IGSF3: variants seen among roughly 807,000 people sequenced by gnomAD.
IGSF3 encodes immunoglobulin superfamily member 3.
Under a neutral mutation model 114.4 loss-of-function variants are expected in IGSF3, and 23 were observed. The ratio of observed to expected loss-of-function variants is 0.20; its 90% CI spans 0.14 to 0.28. The LOEUF (loss-of-function observed/expected upper bound fraction) is 0.28, where lower values mean the gene tolerates loss of function less well. Among genes scored for constraint, IGSF3 ranks in the 10% least tolerant of loss-of-function variants. The pLI is 1.00. For synonymous variants in IGSF3, 571 were observed against 645.2 expected (o/e 0.88, Z 1.74); for missense variants, 1,172 against 1,591.5 (o/e 0.74, Z 4.48).
rs1648525570 is a variant in IGSF3, at chr1:116,649,183, G to A, written c.43+17101C>T. 6.6e-6 allele frequency among the ~76,000 whole-genome samples: 1 copy of A among 152,232 alleles called. No individual in the cohort carries two copies. The highest frequency in any genetic ancestry group is 2.4e-5 in the African/African-American group (1 of 41,456). On this transcript the variant is annotated intron_variant, in intron 2 of 10. Transcript: ENST00000369486. The surrounding 1 kb of genome is among the most constrained non-coding windows in gnomAD (Gnocchi z 4.5). ...AAGGACAGCCCTCCCCGTCTTGGCA[G>A]CCACACTTTCTGGCCCTAGCCCAAG...
rs1383084522 is a variant in IGSF3, at chr1:116,592,832, T to C, written c.2030-3728A>G. ...TCTGACCCAATCATTGTTAAACTAA[T>C]CAATGAATGGTTGAATAAATGTGGT... On this transcript the variant is annotated intron_variant, in intron 7 of 10. Transcript: ENST00000369486. The surrounding 1 kb of genome is among the most constrained non-coding windows in gnomAD (Gnocchi z 4.5). Among the ~76,000 whole-genome samples the C allele has an allele frequency of 6.6e-6, 1 of 152,162 alleles. No individual in the cohort carries two copies. The highest frequency in any genetic ancestry group is 1.5e-5 in the Non-Finnish European group (1 of 68,032).
rs1660827998 is a variant in IGSF3, at chr1:116,607,361, T to C, written c.1222+581A>G. Among the ~76,000 whole-genome samples the C allele has an allele frequency of 6.6e-6, 1 of 152,152 alleles. No homozygotes were observed. The highest frequency in any genetic ancestry group is 2.4e-5 in the African/African-American group (1 of 41,402). On this transcript the variant is annotated intron_variant, in intron 5 of 10. Transcript: ENST00000369486. The surrounding 1 kb of genome is among the most constrained non-coding windows in gnomAD (Gnocchi z 6.1). ...GGCAGCCTCAGAAATCAGCTAAGCT[T>C]AAAAGGCTATGCTCCAGGAAGATGT...
In IGSF3 at chr1:116,624,605, A is replaced by G. The variant is rs932865252; in HGVS notation, c.44-8148T>C. ...TGTATTCTCCAGACACAGCAGTAAC[A>G]ATATCTCCTTCCCACATGCTCTTTT... On this transcript the variant is annotated intron_variant, in intron 2 of 10. Transcript: ENST00000369486. The surrounding 1 kb of genome is among the most constrained non-coding windows in gnomAD (Gnocchi z 4.9). 1.3e-5 allele frequency among the ~76,000 whole-genome samples: 2 copies of G among 152,172 alleles called. No homozygotes were observed. The highest frequency in any genetic ancestry group is 4.8e-5 in the African/African-American group (2 of 41,438).
Position 116,651,486 on chromosome 1 carries a change from G to A in IGSF3, c.43+14798C>T, listed in dbSNP as rs1648634654. On this transcript the variant is annotated intron_variant, in intron 2 of 10. Transcript: ENST00000369486. This position sits in a 1 kb window ranked among gnomAD's most constrained non-coding sequence, Gnocchi z 4.4. ...TCTATATCACAGATCACCAGTTTTA[G>A]CTGTTTGAAGTTTTAGAATTCCTTT... Among the ~76,000 whole-genome samples the A allele has an allele frequency of 6.6e-6, 1 of 152,230 alleles. No individual in the cohort carries two copies. The highest frequency in any genetic ancestry group is 1.5e-5 in the Non-Finnish European group (1 of 68,046).
rs765984344 is a variant in IGSF3, at chr1:116,608,286, G to A, written c.878C>T (p.Thr293Met). The A allele has an allele frequency of 1.7e-5, 28 of 1,612,146 alleles. No homozygotes were observed. The highest frequency in any genetic ancestry group is 6.7e-5 in the African/African-American group (5 of 75,012). Residue 293 changes from threonine (T) to methionine (M), a missense_variant, in exon 5 of 11, where the codon ACG becomes ATG. Thr to Met is a moderately conservative substitution (Grantham distance 81). Coordinates refer to ENST00000369486, the MANE Select transcript of IGSF3 (RefSeq NM_001007237.3). ...VRLETEKRLH[T>M]VGEPVEFRCI... Reference sequence around the variant, plus strand: ...TCTGAACTCCACCGGCTCGCCCACCGTGTGCAGCCGCTTCTCTGTCTCCAG... The same window carrying A: ...TCTGAACTCCACCGGCTCGCCCACCATGTGCAGCCGCTTCTCTGTCTCCAG...
rs1248731972 is a variant in IGSF3, at chr1:116,589,849, TG to T, written c.2030-746del. ...ACTCGGTTTCCCACAGGATGCTAAG[TG>T]CTGGGGATGCCCTGAAGAGTAAGCC... On this transcript the variant is annotated intron_variant, in intron 7 of 10. Transcript: ENST00000369486. The surrounding 1 kb of genome is among the most constrained non-coding windows in gnomAD (Gnocchi z 5.7). 6.6e-6 allele frequency among the ~76,000 whole-genome samples: 1 copy of T among 152,168 alleles called. No homozygotes were observed. Among genetic ancestry groups the T allele is most frequent in the African/African-American group, 2.4e-5 (1 of 41,436 alleles).
rs1661293780 is a variant in IGSF3 at position 116,618,362 on chromosome 1, T to C, written c.44-1905A>G. On this transcript the variant is annotated intron_variant, in intron 2 of 10. Transcript: ENST00000369486. The surrounding 1 kb of genome is among the most constrained non-coding windows in gnomAD (Gnocchi z 4.7). ...CATTAGTAATATCAGTATGTTAAAATATGATGCATAACATTTTTACTATAT... is the reference window on the plus strand; with the variant it reads ...CATTAGTAATATCAGTATGTTAAAACATGATGCATAACATTTTTACTATAT... Among the ~76,000 whole-genome samples, 1 of 152,226 alleles carries C rather than the reference T, an allele frequency of 6.6e-6. No individual in the cohort carries two copies. Among genetic ancestry groups the C allele is most frequent in the African/African-American group, 2.4e-5 (1 of 41,454 alleles).
chr1:116,623,078 G>A (rs1316535743), intron 2 of IGSF3, among the ~76,000 whole-genome samples: 8 of 152,210 alleles, frequency 5.3e-5, no homozygotes, highest in Admixed American at 2.6e-4. Flanking sequence ...CAGGCACATC[G>A]GTGACAACTT....
intron 9 of IGSF3, among the ~76,000 whole-genome samples, chr1:116,580,090 T>C (rs1212734705): frequency 6.6e-6 from 1 of 152,240 alleles, no homozygotes; most frequent in African/African-American, 2.4e-5. Context: ...TGTCATTGTA[T>C]GCAGAAAACA....
Position 116,662,317 on chromosome 1 carries a change from C to T in IGSF3, c.43+3967G>A, listed in dbSNP as rs947475721. Among the ~76,000 whole-genome samples the T allele has an allele frequency of 2.0e-5, 3 of 152,024 alleles. No individual in the cohort carries two copies. Among genetic ancestry groups the T allele is most frequent in the Non-Finnish European group, 4.4e-5 (3 of 68,016 alleles). On this transcript the variant is annotated intron_variant, in intron 2 of 10. Coordinates refer to ENST00000369486, the MANE Select transcript of IGSF3 (RefSeq NM_001007237.3). This position sits in a 1 kb window ranked among gnomAD's most constrained non-coding sequence, Gnocchi z 4.3. The stretch of plus-strand genomic sequence containing the variant: ...AACTCCTGACCTCAAGTGATCCACC[C>T]GCCTCAGCCTCCCAAAGTGCTGCGG...
rs1459776835 is a variant in IGSF3, at chr1:116,613,929, T to C, written c.668A>G (p.Lys223Arg). 3.1e-6 allele frequency: 5 copies of C among 1,613,858 alleles called. No homozygotes were observed. Among genetic ancestry groups the C allele is most frequent in the Non-Finnish European group, 4.2e-6 (5 of 1,179,810 alleles). Residue 223 changes from lysine to arginine, a missense_variant, in exon 4 of 11, where the codon AAG (lysine) becomes AGG (arginine). By Grantham distance (26) the Lys-to-Arg change is conservative. Around this residue, in one of 3 missense-constraint regions of IGSF3, gnomAD observed 736 missense variants for 1,042.0 expected, o/e 0.71. Coordinates refer to ENST00000369486, the MANE Select transcript of IGSF3 (RefSeq NM_001007237.3). ...GAGGCGGAAGGTGGTCCTCCCCAGC[T>C]TGTCCAGCCGCACCTCCCCCAGGCT... is the stretch of plus-strand genomic sequence containing the variant. ...RQSLGEVRLD[K>R]LGRTTFRLTI...
At position 116,616,593 on chromosome 1, in the gene IGSF3, G is replaced by A. The variant is rs1661227685; in HGVS notation, c.44-136C>T. 1.5e-6 allele frequency: 1 copy of A among 668,092 alleles called. No individual in the cohort carries two copies. Among genetic ancestry groups the A allele is most frequent in the Non-Finnish European group, 2.5e-6 (1 of 406,230 alleles). 41.4% of individuals were successfully genotyped at this position (668,092 alleles called of 1,614,324 possible). Reference sequence around the variant, plus strand: ...AAACAGCTTACTGGCCCTTTCAAAGGCGCTTTGTGATTTATAAATATTAAT... The same window carrying A: ...AAACAGCTTACTGGCCCTTTCAAAGACGCTTTGTGATTTATAAATATTAAT... On this transcript the variant is annotated intron_variant, in intron 2 of 10. Transcript: ENST00000369486. This position sits in a 1 kb window ranked among gnomAD's most constrained non-coding sequence, Gnocchi z 6.6.
rs1336582054 is a variant in IGSF3, at chr1:116,638,568, G to A, written c.44-22111C>T. ...CACTCCCTCCAAACATCCCCGGTACGTCTTACTGGATTTTGCCATTTCCCC... is the reference window on the plus strand; with the variant it reads ...CACTCCCTCCAAACATCCCCGGTACATCTTACTGGATTTTGCCATTTCCCC... On this transcript the variant is annotated intron_variant, in intron 2 of 10. Coordinates refer to ENST00000369486, the MANE Select transcript of IGSF3 (RefSeq NM_001007237.3). This position sits in a 1 kb window ranked among gnomAD's most constrained non-coding sequence, Gnocchi z 4.1. Among the ~76,000 whole-genome samples, 3 of 152,106 alleles carry A rather than the reference G, an allele frequency of 2.0e-5. No homozygotes were observed. The highest frequency in any genetic ancestry group is 2.9e-5 in the Non-Finnish European group (2 of 68,020).
Position 116,664,661 on chromosome 1 carries a change from T to C in IGSF3, c.43+1623A>G, listed in dbSNP as rs1424652141. On this transcript the variant is annotated intron_variant, in intron 2 of 10. Coordinates refer to ENST00000369486, the MANE Select transcript of IGSF3 (RefSeq NM_001007237.3). The surrounding 1 kb of genome is among the most constrained non-coding windows in gnomAD (Gnocchi z 4.6). ...CAGTACAACAAATACAGATCCAATA[T>C]GAAGAGACTGGCAAATGAAGGGCTC... Among the ~76,000 whole-genome samples, 1 of 152,168 alleles carries C rather than the reference T, an allele frequency of 6.6e-6. No homozygotes were observed. Among genetic ancestry groups the C allele is most frequent in the Non-Finnish European group, 1.5e-5 (1 of 68,034 alleles).
intron 2 of IGSF3, among the ~76,000 whole-genome samples, chr1:116,663,338 A>G (rs1363674390): frequency 1.3e-5 from 2 of 151,958 alleles, no homozygotes. Context: ...GCACTTTTCC[A>G]GTCACCCTTC....
Position 116,606,093 on chromosome 1 carries a change from G to A in IGSF3, c.1222+1849C>T, listed in dbSNP as rs555054907. The stretch of plus-strand genomic sequence containing the variant: ...TTTCCAGGCCTGAGAAAAGGCAGCC[G>A]ACAATTTTAAACTCTCTGGATTAAG... On this transcript the variant is annotated intron_variant, in intron 5 of 10. Coordinates refer to ENST00000369486, the MANE Select transcript of IGSF3 (RefSeq NM_001007237.3). Among the ~76,000 whole-genome samples, 335 of 152,328 alleles carry A rather than the reference G, an allele frequency of 2.2e-3. 1 individual carries two copies. The highest frequency in any genetic ancestry group is 3.3e-3 in the Non-Finnish European group (227 of 68,036).
In IGSF3 at chr1:116,605,537, T is replaced by C. The variant is rs974869103; in HGVS notation, c.1223-1512A>G. Among the ~76,000 whole-genome samples, 1 of 152,186 alleles carries C rather than the reference T, an allele frequency of 6.6e-6. No individual in the cohort carries two copies. The highest frequency in any genetic ancestry group is 1.5e-5 in the Non-Finnish European group (1 of 68,036). On this transcript the variant is annotated intron_variant, in intron 5 of 10. Coordinates refer to ENST00000369486, the MANE Select transcript of IGSF3 (RefSeq NM_001007237.3). This position sits in a 1 kb window ranked among gnomAD's most constrained non-coding sequence, Gnocchi z 5.1. ...GAACAGTCACCATCTATAGCACTAA[T>C]GGTTAAGGGGATGGATTTGGAGACT...
rs1659645690 is a variant in IGSF3 at position 116,582,539 on chromosome 1, A to C, written c.2848+2106T>G. Among the ~76,000 whole-genome samples, 1 of 152,230 alleles carries C rather than the reference A, an allele frequency of 6.6e-6. No homozygotes were observed. The highest frequency in any genetic ancestry group is 3.2e-3 in the Middle Eastern group (1 of 316). On this transcript the variant is annotated intron_variant, in intron 9 of 10. Coordinates refer to ENST00000369486, the MANE Select transcript of IGSF3 (RefSeq NM_001007237.3). This position sits in a 1 kb window ranked among gnomAD's most constrained non-coding sequence, Gnocchi z 4.7. ...GCAGTGGAAGGTGATTATTTTCCTAACAATACTTTTAGAGCTATATTATTT... is the reference window on the plus strand; with the variant it reads ...GCAGTGGAAGGTGATTATTTTCCTACCAATACTTTTAGAGCTATATTATTT...
At chr1:116,599,735 G>A (rs1310605912) in intron 7 of IGSF3, among the ~76,000 whole-genome samples, 1 of 152,192 alleles carries the variant, frequency 6.6e-6, no homozygotes, top group African/African-American at 2.4e-5. Flanking sequence ...GAAAACAAAT[G>A]CCGTCAGACA....
Sources: gnomAD v4.1 joint callset for allele counts (sites outside exome capture counted in the v4.1 genomes callset) on GRCh38, gnomAD v4.1.1 for gene constraint, gnomAD v4.1.1 regional missense constraint, Gnocchi (gnomAD v3.1) non-coding constraint, MANE v1.5 for transcripts, NCBI Gene and HGNC (gene_info 2026-07-23, HGNC 2026-07-21) for gene names.